Variants in LRMDA observed in about 807,000 individuals in gnomAD.
LRMDA encodes the protein leucine-rich melanocyte differentiation-associated protein.
Under a neutral mutation model 29.8 loss-of-function variants are expected in LRMDA, and 18 were observed. The observed-to-expected ratio is 0.60, with a 90% confidence interval of 0.42 to 0.90. The LOEUF is 0.90. Ranked by LOEUF, LRMDA falls within the 40% of genes least tolerant of loss-of-function variation. The pLI is 0.00. For synonymous variants in LRMDA, 125 were observed against 109.4 expected (o/e 1.14, Z -0.89); for missense variants, 273 against 273.9 (o/e 1.00, Z 0.02).
chr10:75,753,944 C>T (rs897947631), intron 2 of LRMDA, among the ~76,000 whole-genome samples: 1 of 152,172 alleles, frequency 6.6e-6, no homozygotes, highest in Admixed American at 6.5e-5. Context: ...TTTGCTGGTG[C>T]ATTGACTGTG....
chr10:75,731,945 A>G (rs1005791172), intron 2 of LRMDA, among the ~76,000 whole-genome samples: 1 of 152,244 alleles, frequency 6.6e-6, no homozygotes, highest in African/African-American at 2.4e-5. Context: ...GCCAAGTGCT[A>G]TAGAAGATGA....
At chr10:76,273,514 T>C (rs1840092758) in intron 5 of LRMDA, among the ~76,000 whole-genome samples, 1 of 152,238 alleles carries the variant, frequency 6.6e-6, no homozygotes, top group Non-Finnish European at 1.5e-5. Flanking sequence ...ATATCTAATC[T>C]GTTCATTGCT....
At chr10:76,386,377 G>T (rs1201987504) in intron 6 of LRMDA, among the ~76,000 whole-genome samples, 1 of 152,202 alleles carries the variant, frequency 6.6e-6, no homozygotes, top group Non-Finnish European at 1.5e-5. Context: ...TACTAATGCT[G>T]CTCACCCATT....
chr10:76,048,892 G>C (rs1848485455), intron 4 of LRMDA, among the ~76,000 whole-genome samples: 1 of 152,158 alleles, frequency 6.6e-6, no homozygotes, highest in Non-Finnish European at 1.5e-5. Flanking sequence ...AATGCCTAAA[G>C]TAGTGCTGGA....
chr10:76,197,721 C>A (rs1411451990), intron 5 of LRMDA, among the ~76,000 whole-genome samples: 2 of 151,848 alleles, frequency 1.3e-5, no homozygotes, highest in Non-Finnish European at 2.9e-5. Flanking sequence ...GAGTTTGAGA[C>A]CCGCCTGGTC....
At chr10:76,031,532 C>T (rs909003004) in intron 2 of LRMDA, among the ~76,000 whole-genome samples, 5 of 152,134 alleles carry the variant, frequency 3.3e-5, no homozygotes, top group African/African-American at 1.2e-4. Flanking sequence ...TCACTGTACA[C>T]TTAACAGCTT....
chr10:76,193,240 G>T (rs181161091), intron 5 of LRMDA, among the ~76,000 whole-genome samples: 1 of 152,292 alleles, frequency 6.6e-6, no homozygotes, highest in East Asian at 1.9e-4. Flanking sequence ...ATTTGCCATC[G>T]CAGGGGATAG....
At chr10:76,234,125 A>C (rs1328288041) in intron 5 of LRMDA, among the ~76,000 whole-genome samples, 1 of 152,122 alleles carries the variant, frequency 6.6e-6, no homozygotes, top group Non-Finnish European at 1.5e-5. Context: ...ACTTGAAATT[A>C]CTCCTTGATA....
At chr10:76,228,714 A>G (rs1452771533) in intron 5 of LRMDA, among the ~76,000 whole-genome samples, 1 of 152,188 alleles carries the variant, frequency 6.6e-6, no homozygotes, top group Admixed American at 6.5e-5. Flanking sequence ...CCAACCTACA[A>G]TAGTTGTGTT....
intron 2 of LRMDA, among the ~76,000 whole-genome samples, chr10:75,937,427 G>A (rs1308979300): frequency 6.6e-6 from 1 of 152,124 alleles, no homozygotes; most frequent in Non-Finnish European, 1.5e-5. Flanking sequence ...GCCCTCACAG[G>A]GTTATCCCCA....
chr10:75,866,162 A>G (rs1275492415), intron 2 of LRMDA, among the ~76,000 whole-genome samples: 1 of 152,136 alleles, frequency 6.6e-6, no homozygotes, highest in Non-Finnish European at 1.5e-5. Context: ...CCCTGTGACT[A>G]GTCATATGGG....
chr10:76,273,393 C>T lies in LRMDA; in HGVS notation c.517-51008C>T, dbSNP rs117715149. ...GATATTTAACTGACTTTTATACTTA[C>T]TAATATCACATTATAGATGCTAAAG... On this transcript the variant is annotated intron_variant, in intron 5 of 6. Coordinates refer to ENST00000611255, the MANE Select transcript of LRMDA (RefSeq NM_001305581.2). Among the ~76,000 whole-genome samples the T allele has an allele frequency of 7.9e-4, 121 of 152,266 alleles. 1 individual carries two copies. The highest frequency in any genetic ancestry group is 6.8e-3 in the Middle Eastern group (2 of 294).
intron 5 of LRMDA, among the ~76,000 whole-genome samples, chr10:76,098,906 G>T (rs902843110): frequency 4.6e-5 from 7 of 152,196 alleles, no homozygotes; most frequent in Non-Finnish European, 1.0e-4. Flanking sequence ...GGGAGGTGAA[G>T]CTGTCCTCTT....
chr10:76,039,091 A>G (rs1848300243), intron 3 of LRMDA, among the ~76,000 whole-genome samples: 1 of 152,244 alleles, frequency 6.6e-6, no homozygotes, highest in Admixed American at 6.5e-5. Flanking sequence ...GCCCCATAGT[A>G]CAAGTAGTCT....
At chr10:76,203,301 T>TA (rs1055618508) in intron 5 of LRMDA, among the ~76,000 whole-genome samples, 8 of 151,978 alleles carry the variant, frequency 5.3e-5, no homozygotes, top group East Asian at 1.9e-4. Flanking sequence ...TCAAAGGGTT[T>TA]AAAAAAAATG....
intron 5 of LRMDA, among the ~76,000 whole-genome samples, chr10:76,110,742 C>A (rs1351278695): frequency 1.3e-5 from 2 of 152,192 alleles, no homozygotes; most frequent in Non-Finnish European, 2.9e-5. Flanking sequence ...CCTTTGCCTC[C>A]CACCATGATT....
At chr10:75,488,147 T>C (rs1028262933) in intron 2 of LRMDA, among the ~76,000 whole-genome samples, 3 of 152,200 alleles carry the variant, frequency 2.0e-5, no homozygotes, top group African/African-American at 7.2e-5. Context: ...CCTGCCTCTG[T>C]TTTATTGCTG....
chr10:75,678,732 T>G (rs1005894853), intron 2 of LRMDA, among the ~76,000 whole-genome samples: 2 of 152,214 alleles, frequency 1.3e-5, no homozygotes, highest in Non-Finnish European at 2.9e-5. Flanking sequence ...ATTACAGATA[T>G]TTGTCATTTT....
At chr10:75,618,088 C>G (rs1841127787) in intron 2 of LRMDA, among the ~76,000 whole-genome samples, 1 of 152,180 alleles carries the variant, frequency 6.6e-6, no homozygotes, top group African/African-American at 2.4e-5. Context: ...CATAGACTGA[C>G]TTGAAACTGC....
Sources: allele counts gnomAD v4.1 joint callset (sites outside exome capture counted in the v4.1 genomes callset), GRCh38; gene constraint gnomAD v4.1.1; transcripts MANE v1.5; gene names NCBI Gene and HGNC (gene_info 2026-07-23, HGNC 2026-07-21).